RASGEF1C: variants seen among roughly 807,000 people sequenced by gnomAD.
The protein encoded by RASGEF1C is RasGEF domain family member 1C.
A neutral mutation model predicts 58.1 loss-of-function variants in RASGEF1C; 27 were observed. That is an observed-to-expected ratio of 0.46 (90% CI 0.34 to 0.64). The LOEUF (loss-of-function observed/expected upper bound fraction) is 0.64. RASGEF1C is among the 30% of genes least tolerant of loss of function. RASGEF1C has a pLI of 0.01. For synonymous variants in RASGEF1C, 243 were observed against 246.3 expected, an observed-to-expected ratio of 0.99 and a Z score of 0.13; for missense variants, 502 against 605.1, an observed-to-expected ratio of 0.83 and a Z score of 1.79.
Position 180,120,998 on chromosome 5 carries a change from TC to T in RASGEF1C, c.804+61del, listed in dbSNP as rs1356258286. 2.5e-6 allele frequency: 3 copies of T among 1,196,200 alleles called. No homozygotes were observed. In the African/African-American group the frequency reaches 4.5e-5, roughly 18 times the overall value. The allele number at this position is 1,196,200 out of a possible 1,614,324, so 74.1% of individuals were successfully genotyped here. A position where few individuals can be genotyped will look rare whatever the true frequency, so the allele number is the denominator to read the frequency against. On this transcript the variant is annotated intron_variant, in intron 7 of 13. Coordinates refer to ENST00000361132, the MANE Select transcript of RASGEF1C (RefSeq NM_175062.4). ...CCTTCCGGTTCCTTCCCCCGTGGGC[TC>T]CTCCCAACTCCGGCCGCCTGGGGCT...
chr5:180,160,467 A>G (rs940575808), intron 1 of RASGEF1C, among the ~76,000 whole-genome samples: 3 of 152,106 alleles, frequency 2.0e-5, no homozygotes, highest in African/African-American at 7.2e-5. Flanking sequence ...TACACTGACC[A>G]TCACTCCCCC....
chr5:180,172,830 C>T (rs533256410), intron 1 of RASGEF1C, among the ~76,000 whole-genome samples: 10 of 152,292 alleles, frequency 6.6e-5, no homozygotes, highest in African/African-American at 1.9e-4. Flanking sequence ...CTCCCTTGTC[C>T]TCTGCCTCCC....
chr5:180,119,562 G>C, intron 7 of RASGEF1C, 114 bp from the exon 8 acceptor site: 1 of 740,518 alleles, frequency 1.4e-6, no homozygotes, highest in Non-Finnish European at 2.3e-6. Flanking sequence ...CACAGCTGAG[G>C]CACTTGAGGC....
chr5:180,110,243 C>T (rs1765936518), intron 12 of RASGEF1C, among the ~76,000 whole-genome samples: 1 of 152,166 alleles, frequency 6.6e-6, no homozygotes, highest in Non-Finnish European at 1.5e-5. Flanking sequence ...GTTTATTCAT[C>T]AGCTGCTCGG....
chr5:180,118,521 AG>A (rs1458620305), intron 10 of RASGEF1C, 87 bp downstream of exon 10: 4 of 1,205,414 alleles, frequency 3.3e-6, no homozygotes, highest in African/African-American at 1.5e-5. Context: ...CTGATGCTGC[AG>A]GGGGCAGGAG....
intron 1 of RASGEF1C, among the ~76,000 whole-genome samples, chr5:180,182,296 T>C (rs1187981833): frequency 1.3e-5 from 2 of 150,534 alleles, no homozygotes; most frequent in Non-Finnish European, 1.5e-5. Context: ...GTCTGGAGTT[T>C]CTTCCTTCCG....
intron 1 of RASGEF1C, among the ~76,000 whole-genome samples, chr5:180,182,307 G>C (rs1039476807): frequency 2.0e-5 from 3 of 151,620 alleles, no homozygotes; most frequent in Admixed American, 6.6e-5. Context: ...CTTCCTTCCG[G>C]TGGGTTTGTG....
chr5:180,105,871 A>C (rs997520764), intron 12 of RASGEF1C, among the ~76,000 whole-genome samples: 1 of 152,112 alleles, frequency 6.6e-6, no homozygotes, highest in Non-Finnish European at 1.5e-5. Context: ...CTGTCTCAAA[A>C]AAAAAAAGAA....
chr5:180,154,507 AC>A (rs1443842954), intron 1 of RASGEF1C, among the ~76,000 whole-genome samples: 1 of 151,616 alleles, frequency 6.6e-6, no homozygotes, highest in Non-Finnish European at 1.5e-5. Context: ...AGTTGAATAA[AC>A]CCGGACCCTC....
chr5:180,113,691 ATGGACGGAGGGATCGG>A (rs1766013008), intron 11 of RASGEF1C, among the ~76,000 whole-genome samples: 1 of 124,314 alleles, frequency 8.0e-6, no homozygotes, highest in African/African-American at 3.2e-5. Flanking sequence ...GGGATCGGGG[ATGGACGGAGGGATCGG>A]GGATGGATGG....
At chr5:180,173,781 T>TGGC (rs1581119689) in intron 1 of RASGEF1C, among the ~76,000 whole-genome samples, 1 of 151,916 alleles carries the variant, frequency 6.6e-6, no homozygotes, top group African/African-American at 2.4e-5. Context: ...GGCGTGGTGG[T>TGGC]GGGCGCCTGT....
At position 180,119,326 on chromosome 5, in the gene RASGEF1C, G is replaced by A. The variant is rs752657849; in HGVS notation, c.907+20C>T. On this transcript the variant is annotated intron_variant, in intron 8 of 13. Transcript: ENST00000361132. ...GGGGACCCGTGCACTGGGGGCCACA[G>A]GCCAGGCCGGCCCACTCACAGATGA... The A allele has an allele frequency of 6.2e-7, 1 of 1,601,868 alleles. No individual in the cohort carries two copies. The highest frequency in any genetic ancestry group is 1.1e-5 in the South Asian group (1 of 90,818).
At chr5:180,174,720 C>G (rs952826569) in intron 1 of RASGEF1C, among the ~76,000 whole-genome samples, 1 of 152,178 alleles carries the variant, frequency 6.6e-6, no homozygotes, top group African/African-American at 2.4e-5. Context: ...CCTCTCTGGG[C>G]TGTGGTCCAC....
At position 180,110,516 on chromosome 5, in the gene RASGEF1C, G is replaced by A. The variant is rs543945541; in HGVS notation, c.1303+941C>T. Among the ~76,000 whole-genome samples, 12 of 152,008 alleles carry A rather than the reference G, an allele frequency of 7.9e-5. No homozygotes were observed. In the South Asian group the frequency reaches 2.1e-3, roughly 26 times the overall value. On this transcript the variant is annotated intron_variant, in intron 12 of 13. Transcript: ENST00000361132. ...CGTCCTGAGCAGGCCCTCTCAGGGT[G>A]ATGTGGGGCCGCGGGGCCATTCCAC... is the stretch of plus-strand genomic sequence containing the variant.
chr5:180,157,238 A>C (rs1462871728), intron 1 of RASGEF1C, among the ~76,000 whole-genome samples: 6 of 152,218 alleles, frequency 3.9e-5, no homozygotes, highest in Admixed American at 6.5e-5. Context: ...GTATTATCAT[A>C]ATTGCCCAAA....
At chr5:180,174,432 G>C (rs1364484491) in intron 1 of RASGEF1C, among the ~76,000 whole-genome samples, 1 of 147,408 alleles carries the variant, frequency 6.8e-6, no homozygotes, top group Non-Finnish European at 1.5e-5. Flanking sequence ...ATGTGCACAC[G>C]TGTGTGTCTG....
intron 7 of RASGEF1C, among the ~76,000 whole-genome samples, chr5:180,120,068 A>G (rs1230671585): frequency 6.6e-6 from 1 of 151,974 alleles, no homozygotes; most frequent in Non-Finnish European, 1.5e-5. Flanking sequence ...GCGTGAGGGT[A>G]GGAAGTGGGC....
At chr5:180,186,539 A>C (rs958598800) in intron 1 of RASGEF1C, among the ~76,000 whole-genome samples, 1 of 152,252 alleles carries the variant, frequency 6.6e-6, no homozygotes. Flanking sequence ...AGAAAGTCTC[A>C]ATAAATGGAA....
At chr5:180,192,060 G>T (rs943200579) in intron 1 of RASGEF1C, among the ~76,000 whole-genome samples, 1 of 152,148 alleles carries the variant, frequency 6.6e-6, no homozygotes, top group Non-Finnish European at 1.5e-5. Context: ...CTCTAGCTTC[G>T]TGTCTGTCTG....
Sources: allele counts gnomAD v4.1 joint callset (sites outside exome capture counted in the v4.1 genomes callset), GRCh38; gene constraint gnomAD v4.1.1; transcripts MANE v1.5; gene names NCBI Gene and HGNC (gene_info 2026-07-23, HGNC 2026-07-21).